NNMT: variants seen among roughly 807,000 people sequenced by gnomAD.
NNMT encodes nicotinamide N-methyltransferase.
A neutral mutation model predicts 11.7 loss-of-function variants in NNMT; 10 were observed. The observed-to-expected ratio is 0.85, with a 90% CI of 0.53 to 1.45. The LOEUF is 1.45. NNMT is among the 40% of genes most tolerant of loss of function. NNMT has a pLI of 0.00. For synonymous variants in NNMT, 143 were observed against 133.8 expected (o/e 1.07, Z -0.48); for missense variants, 381 against 319.4 (o/e 1.19, Z -1.47).
At chr11:114,269,469 C>T (rs1275434636) in intron 2 of NNMT, 2 of 152,200 alleles carry the variant, frequency 1.3e-5, no homozygotes, top group Non-Finnish European at 2.9e-5. Flanking sequence ...GAGTTCTTGT[C>T]CGAATCTCAA....
chr11:114,288,697 C>T (rs1945315414), intron 2 of NNMT, among the ~76,000 whole-genome samples: 1 of 152,228 alleles, frequency 6.6e-6, no homozygotes, highest in South Asian at 2.1e-4. Context: ...TTGATTTTCT[C>T]ATATGCTGAA....
intron 2 of NNMT, among the ~76,000 whole-genome samples, chr11:114,281,482 G>A (rs1257788948): frequency 6.6e-6 from 1 of 152,090 alleles, no homozygotes; most frequent in Non-Finnish European, 1.5e-5. Flanking sequence ...AAGTCTTCCT[G>A]GAATTCATGC....
intron 2 of NNMT, among the ~76,000 whole-genome samples, chr11:114,310,511 G>A (rs532762534): frequency 2.2e-4 from 33 of 152,204 alleles, no homozygotes; most frequent in African/African-American, 7.2e-4. Flanking sequence ...CCACTCTCTC[G>A]AATCAAGTTT....
chr11:114,297,209 G>A (rs2135271092), intron 1 of NNMT, among the ~76,000 whole-genome samples: 1 of 152,192 alleles, frequency 6.6e-6, no homozygotes, highest in East Asian at 1.9e-4. Context: ...AGACTTTCTG[G>A]ATCTGGTGTT....
chr11:114,267,757 G>A (rs1409499146), intron 2 of NNMT, among the ~76,000 whole-genome samples: 1 of 151,948 alleles, frequency 6.6e-6, no homozygotes, highest in Non-Finnish European at 1.5e-5. Context: ...ACATCGTGTT[G>A]TTTCACCACG....
upstream of NNMT, among the ~76,000 whole-genome samples, chr11:114,291,965 A>G (rs913506245): frequency 1.2e-4 from 19 of 152,104 alleles, no homozygotes; most frequent in Admixed American, 3.3e-4. Context: ...CTCTGTCTTT[A>G]TCTGTTTAAA....
intron 2 of NNMT, among the ~76,000 whole-genome samples, chr11:114,298,712 A>G (rs1395755221): frequency 2.0e-5 from 3 of 152,250 alleles, no homozygotes; most frequent in East Asian, 3.8e-4. Context: ...ATTAATCACC[A>G]TCCATGAAAG....
At chr11:114,281,280 G>A (rs961555369) in intron 2 of NNMT, among the ~76,000 whole-genome samples, 2 of 152,108 alleles carry the variant, frequency 1.3e-5, no homozygotes, top group African/African-American at 2.4e-5. Context: ...CGTGCGTTAG[G>A]GCCCATGCAA....
intron 1 of NNMT, among the ~76,000 whole-genome samples, chr11:114,260,774 G>A (rs1945072945): frequency 6.6e-6 from 1 of 152,218 alleles, no homozygotes; most frequent in African/African-American, 2.4e-5. Context: ...CTACTCTGAT[G>A]CCAAATAGCT....
chr11:114,259,744 T>C (rs780386931), intron 1 of NNMT, among the ~76,000 whole-genome samples: 25 of 152,202 alleles, frequency 1.6e-4, no homozygotes, highest in Non-Finnish European at 3.1e-4. Context: ...TGCAGCCCCC[T>C]GCAGCGCTAA....
chr11:114,273,426 C>A (rs935627817), intron 2 of NNMT, among the ~76,000 whole-genome samples: 5 of 152,178 alleles, frequency 3.3e-5, no homozygotes, highest in African/African-American at 7.2e-5. Flanking sequence ...CCCAGTCTCT[C>A]CCTAGCTGGA....
chr11:114,296,648 A>C lies in NNMT; in HGVS notation c.92A>C (p.His31Pro). The stretch of plus-strand genomic sequence containing the variant: ...AAATATTACAAGTTTGGTTCTAGGC[A>C]CTCTGCAGAAAGCCAGATTCTTAAG... Reference protein sequence around the residue: ...LEKYYKFGSRHSAESQILKHL... With the variant: ...LEKYYKFGSRPSAESQILKHL... Residue 31 changes from histidine to proline, a missense_variant, in exon 1 of 3, where the codon CAC becomes CCC. By Grantham distance (77) the His-to-Pro change is moderately conservative. Coordinates refer to ENST00000299964, the MANE Select transcript of NNMT (RefSeq NM_006169.3). 6.2e-7 allele frequency: 1 copy of C among 1,614,130 alleles called. No individual in the cohort carries two copies. Among genetic ancestry groups the C allele is most frequent in the Non-Finnish European group, 8.5e-7 (1 of 1,180,016 alleles).
intron 1 of NNMT, among the ~76,000 whole-genome samples, chr11:114,260,836 G>T (rs1370579692): frequency 6.6e-6 from 1 of 152,184 alleles, no homozygotes; most frequent in Non-Finnish European, 1.5e-5. Flanking sequence ...CTGAGATTTG[G>T]CAGAATCTGG....
At chr11:114,304,429 A>G (rs1945470512) in intron 2 of NNMT, among the ~76,000 whole-genome samples, 1 of 152,180 alleles carries the variant, frequency 6.6e-6, no homozygotes, top group Non-Finnish European at 1.5e-5. Flanking sequence ...TCTGTTGGAC[A>G]TTGCATTTTT....
upstream of NNMT, among the ~76,000 whole-genome samples, chr11:114,294,128 G>A (rs561504864): frequency 2.0e-5 from 3 of 152,230 alleles, no homozygotes; most frequent in East Asian, 3.9e-4. Context: ...GGATGGTTAC[G>A]AGAGGATGGG....
chr11:114,312,409 TCTTCC>T lies in NNMT; in HGVS notation c.728_732del (p.Ser243TyrfsTer43). 1 of 1,614,236 alleles carries T rather than the reference TCTTCC, an allele frequency of 6.2e-7. No homozygotes were observed. Among genetic ancestry groups the T allele is most frequent in the Non-Finnish European group, 8.5e-7 (1 of 1,180,038 alleles). Reference sequence around the variant, plus strand: ...GTTTGAGGTGATCTCGCAAAGTTATTCTTCCACCATGGCCAACAACGAAGGACTTT... The same window carrying T: ...GTTTGAGGTGATCTCGCAAAGTTATTACCATGGCCAACAACGAAGGACTTT... On this transcript the variant is annotated frameshift_variant, in exon 3 of 3. Coordinates refer to ENST00000299964, the MANE Select transcript of NNMT (RefSeq NM_006169.3). LOFTEE classifies it low-confidence loss of function (END_TRUNC).
chr11:114,263,034 G>A (rs1945095650), intron 2 of NNMT: 1 of 152,140 alleles, frequency 6.6e-6, no homozygotes, highest in African/African-American at 2.4e-5. Flanking sequence ...CTCAACTTGA[G>A]GAATACTCAC....
At chr11:114,270,050 A>G (rs1323700476) in intron 2 of NNMT, among the ~76,000 whole-genome samples, 1 of 152,092 alleles carries the variant, frequency 6.6e-6, no homozygotes, top group East Asian at 1.9e-4. Flanking sequence ...AAAATTTAAA[A>G]TTTCCGGGTG....
At chr11:114,305,418 AT>A (rs1945481263) in intron 2 of NNMT, among the ~76,000 whole-genome samples, 1 of 151,672 alleles carries the variant, frequency 6.6e-6, no homozygotes, top group African/African-American at 2.4e-5. Flanking sequence ...TTACTTATGT[AT>A]ACATGTGCCA....
Sources: gnomAD v4.1 joint callset for allele counts (sites outside exome capture counted in the v4.1 genomes callset) on GRCh38, gnomAD v4.1.1 for gene constraint, MANE v1.5 for transcripts, NCBI Gene and HGNC (gene_info 2026-07-23, HGNC 2026-07-21) for gene names.